SDK1: variants seen among roughly 807,000 people sequenced by gnomAD.
SDK1 encodes the protein sidekick cell adhesion molecule 1.
In SDK1, 157 loss-of-function variants were observed where a neutral mutation model predicts 245.5. The ratio of observed to expected loss-of-function variants is 0.64; its 90% CI spans 0.56 to 0.73. SDK1 has a LOEUF of 0.73. Ranked by LOEUF, SDK1 falls within the 30% of genes least tolerant of loss-of-function variation. The probability of loss-of-function intolerance (pLI) is 0.00; values close to 1 mark genes in which losing one functional copy is unlikely to be tolerated. For synonymous variants in SDK1, 1,647 were observed against 1,278.5 expected (o/e 1.29, Z -6.15); for missense variants, 3,583 against 3,002.3 (o/e 1.19, Z -4.52).
At chr7:3,629,280 G>T (rs1295981675) in intron 2 of SDK1, among the ~76,000 whole-genome samples, 1 of 148,306 alleles carries the variant, frequency 6.7e-6, no homozygotes, top group Non-Finnish European at 1.5e-5. Context: ...CAGCCTGGGA[G>T]ACAGTACAAT....
intron 19 of SDK1, among the ~76,000 whole-genome samples, chr7:4,053,875 C>T (rs1029536614): frequency 6.6e-6 from 1 of 152,024 alleles, no homozygotes; most frequent in African/African-American, 2.4e-5. Context: ...TTTTGTTTAA[C>T]TGATTTTGGC....
intron 1 of SDK1, among the ~76,000 whole-genome samples, chr7:3,511,975 C>A (rs1782595632): frequency 6.6e-6 from 1 of 150,766 alleles, no homozygotes; most frequent in Non-Finnish European, 1.5e-5. Flanking sequence ...CCAGGATCAC[C>A]TGAAGTCCAT....
chr7:3,815,435 G>A (rs1779483162), intron 4 of SDK1, among the ~76,000 whole-genome samples: 1 of 148,484 alleles, frequency 6.7e-6, no homozygotes, highest in African/African-American at 2.5e-5. Context: ...TGCGTATATT[G>A]AACCAGCCTT....
At chr7:3,643,573 C>T (rs1195854746) in intron 4 of SDK1, 2 of 150,722 alleles carry the variant, frequency 1.3e-5, no homozygotes, top group Non-Finnish European at 2.9e-5. Flanking sequence ...AGTCCCTTCC[C>T]TAAACCTGGT....
intron 14 of SDK1, among the ~76,000 whole-genome samples, chr7:4,008,485 C>T (rs1214273544): frequency 6.6e-6 from 1 of 152,236 alleles, no homozygotes; most frequent in African/African-American, 2.4e-5. Flanking sequence ...TGTACCCTTT[C>T]CCCATTGGCC....
At chr7:3,847,223 C>A (rs187776289) in intron 5 of SDK1, among the ~76,000 whole-genome samples, 2 of 152,086 alleles carry the variant, frequency 1.3e-5, no homozygotes, top group African/African-American at 4.8e-5. Flanking sequence ...TGTCTAGATG[C>A]CCCATGGACT....
At chr7:3,647,066 C>A (rs1782861832) in intron 4 of SDK1, among the ~76,000 whole-genome samples, 3 of 152,154 alleles carry the variant, frequency 2.0e-5, no homozygotes, top group Admixed American at 2.0e-4. Context: ...CTTAATGCCA[C>A]TAACTATACT....
At chr7:3,919,341 G>A (rs1779505338) in intron 5 of SDK1, among the ~76,000 whole-genome samples, 1 of 152,248 alleles carries the variant, frequency 6.6e-6, no homozygotes, top group African/African-American at 2.4e-5. Flanking sequence ...TCTTGCTCTT[G>A]CTCTTTAAGT....
chr7:4,235,246 C>G (rs927163505), intron 41 of SDK1, among the ~76,000 whole-genome samples: 2 of 152,120 alleles, frequency 1.3e-5, no homozygotes, highest in African/African-American at 4.8e-5. Context: ...CTCACTGCAA[C>G]CTCCGTCTCC....
At chr7:3,370,082 C>T (rs1032373738) in intron 1 of SDK1, among the ~76,000 whole-genome samples, 10 of 152,288 alleles carry the variant, frequency 6.6e-5, no homozygotes, top group Admixed American at 2.0e-4. Context: ...GTATGAACAT[C>T]GGCCTAAGTT....
chr7:4,222,679 C>G (rs1420365400), intron 40 of SDK1, among the ~76,000 whole-genome samples: 1 of 152,208 alleles, frequency 6.6e-6, no homozygotes, highest in Non-Finnish European at 1.5e-5. Context: ...GGCTCAATAA[C>G]TCAGAAATCC....
At chr7:3,967,697 A>T (rs1359800580) in intron 10 of SDK1, among the ~76,000 whole-genome samples, 1 of 152,154 alleles carries the variant, frequency 6.6e-6, no homozygotes, top group East Asian at 1.9e-4. Flanking sequence ...TCTTCTAGGG[A>T]GTGTGCAGCC....
chr7:3,628,956 A>G (rs1782201706), intron 2 of SDK1, among the ~76,000 whole-genome samples: 1 of 151,994 alleles, frequency 6.6e-6, no homozygotes, highest in Non-Finnish European at 1.5e-5. Flanking sequence ...AGAGTTTGGA[A>G]AGATCAAGGC....
intron 7 of SDK1, among the ~76,000 whole-genome samples, chr7:3,956,827 G>A (rs761667828): frequency 1.3e-5 from 2 of 152,192 alleles, no homozygotes; most frequent in African/African-American, 2.4e-5. Context: ...CCAGAGCCAT[G>A]CACTTGCTCA....
At chr7:3,516,855 C>G (rs1413860515) in intron 1 of SDK1, among the ~76,000 whole-genome samples, 3 of 152,258 alleles carry the variant, frequency 2.0e-5, no homozygotes, top group South Asian at 2.1e-4. Flanking sequence ...CTGTAATAGA[C>G]TTTATCACCC....
At chr7:3,618,501 G>A (rs1035291862) in intron 1 of SDK1, among the ~76,000 whole-genome samples, 3 of 152,180 alleles carry the variant, frequency 2.0e-5, no homozygotes, top group African/African-American at 4.8e-5. Context: ...AATTGTTGCT[G>A]CATTCTCGCT....
chr7:3,598,307 C>T (rs1169329457), intron 1 of SDK1, among the ~76,000 whole-genome samples: 2 of 152,186 alleles, frequency 1.3e-5, no homozygotes, highest in East Asian at 3.8e-4. Context: ...TAAATTCTTG[C>T]AAGATATGCA....
rs533676100 is a variant in SDK1, at chr7:3,355,250, T to C, written c.298+53366T>C. Among the ~76,000 whole-genome samples the C allele has an allele frequency of 3.9e-5, 6 of 152,320 alleles. No individual in the cohort carries two copies. The South Asian group carries it at 1.2e-3, about 32-fold the overall frequency. On this transcript the variant is annotated intron_variant, in intron 1 of 44. Coordinates refer to ENST00000404826, the MANE Select transcript of SDK1 (RefSeq NM_152744.4). ...ATATAAATGCGTCATTCACGTAGAT[T>C]ATGGAGTTACTTTTAAAATGTAGCT...
chr7:3,960,882 A>C (rs952613991), intron 8 of SDK1, among the ~76,000 whole-genome samples: 27 of 152,338 alleles, frequency 1.8e-4, no homozygotes, highest in African/African-American at 6.3e-4. Flanking sequence ...AAGCTATAAA[A>C]TATTTAGCGA....
Sources: allele counts gnomAD v4.1 joint callset (sites outside exome capture counted in the v4.1 genomes callset), GRCh38; gene constraint gnomAD v4.1.1; transcripts MANE v1.5; gene names NCBI Gene and HGNC (gene_info 2026-07-23, HGNC 2026-07-21).